RIMS2: variants seen among roughly 807,000 people sequenced by gnomAD.
The protein encoded by RIMS2 is regulating synaptic membrane exocytosis 2.
Under a neutral mutation model 174.4 loss-of-function variants are expected in RIMS2, and 59 were observed. That is an observed-to-expected ratio of 0.34 (90% CI 0.27 to 0.42). The LOEUF is 0.42. Among genes scored for constraint, RIMS2 ranks in the 10% least tolerant of loss-of-function variants. RIMS2 has a pLI of 1.00. For missense variants in RIMS2, 1,620 were observed against 1,666.3 expected (o/e 0.97, Z 0.48); for synonymous variants, 606 against 572.5 (o/e 1.06, Z -0.84).
intron 1 of RIMS2, among the ~76,000 whole-genome samples, chr8:103,514,912 C>CA (rs1397462130): frequency 5.5e-5 from 8 of 145,198 alleles, no homozygotes; most frequent in South Asian, 2.1e-4. Flanking sequence ...ACAACAACAA[C>CA]AACAACAAAA....
chr8:103,550,865 G>C (rs1206147420), intron 1 of RIMS2, among the ~76,000 whole-genome samples: 2 of 147,998 alleles, frequency 1.4e-5, no homozygotes, highest in Non-Finnish European at 3.0e-5. Flanking sequence ...AGAAGAAATG[G>C]ATAAATTCCT....
rs1316410723 is a variant in RIMS2, at chr8:103,822,345, T to G, written c.698+55808T>G. Among the ~76,000 whole-genome samples, 8 of 151,900 alleles carry G rather than the reference T, an allele frequency of 5.3e-5. No homozygotes were observed. In the East Asian group the frequency reaches 1.2e-3, roughly 22 times the overall value. ...ATAAAACATTAAATGATGAAAATCT[T>G]CCATAACAACTGCTCCAGAAACATT... On this transcript the variant is annotated intron_variant, in intron 3 of 23. Transcript: ENST00000504942.
intron 3 of RIMS2, among the ~76,000 whole-genome samples, chr8:103,781,423 A>G (rs1341834249): frequency 6.6e-6 from 1 of 152,128 alleles, no homozygotes; most frequent in African/African-American, 2.4e-5. Context: ...GTTCTTTGTC[A>G]TTTTGGAACT....
intron 1 of RIMS2, among the ~76,000 whole-genome samples, chr8:103,668,488 G>T (rs2136281132): frequency 6.6e-6 from 1 of 152,130 alleles, no homozygotes; most frequent in Non-Finnish European, 1.5e-5. Flanking sequence ...TGGCCAATCA[G>T]GTAGCAGAAA....
intron 1 of RIMS2, among the ~76,000 whole-genome samples, chr8:103,549,879 A>G (rs541115260): frequency 6.6e-6 from 1 of 152,342 alleles, no homozygotes; most frequent in South Asian, 2.1e-4. Flanking sequence ...AAAGAAGGCC[A>G]TTACATAATG....
chr8:104,037,364 G>T (rs567959123), intron 19 of RIMS2, among the ~76,000 whole-genome samples: 1 of 152,110 alleles, frequency 6.6e-6, no homozygotes, highest in East Asian at 1.9e-4. Context: ...TCATGCTTCT[G>T]TTTCATTGTG....
chr8:104,210,873 C>T (rs977334), intron 19 of RIMS2, among the ~76,000 whole-genome samples: 1 of 152,112 alleles, frequency 6.6e-6, no homozygotes, highest in Non-Finnish European at 1.5e-5. Flanking sequence ...TATGTAGGAA[C>T]AAAATGTATC....
intron 3 of RIMS2, among the ~76,000 whole-genome samples, chr8:103,815,445 G>A (rs2098712797): frequency 6.6e-6 from 1 of 152,064 alleles, no homozygotes; most frequent in African/African-American, 2.4e-5. Flanking sequence ...CACTTCTTCT[G>A]TTAGAACTCT....
chr8:103,526,087 C>A (rs1315847343), intron 1 of RIMS2, among the ~76,000 whole-genome samples: 1 of 152,176 alleles, frequency 6.6e-6, no homozygotes, highest in African/African-American at 2.4e-5. Flanking sequence ...GAGCTTTTGA[C>A]ACACTCATGG....
exon 4 of RIMS2, chr8:103,885,536 G>T (rs779295630): frequency 6.2e-7 from 1 of 1,611,908 alleles, no homozygotes; most frequent in African/African-American, 1.3e-5. Flanking sequence ...AGATGATGAG[G>T]ATGTGGAAAG....
chr8:103,592,659 G>T (rs2094316550), intron 1 of RIMS2, among the ~76,000 whole-genome samples: 1 of 151,228 alleles, frequency 6.6e-6, no homozygotes, highest in Admixed American at 6.6e-5. Context: ...TCATACTAAG[G>T]TTTTATTTGC....
At chr8:104,029,347 C>T (rs909320906) in intron 19 of RIMS2, among the ~76,000 whole-genome samples, 10 of 152,100 alleles carry the variant, frequency 6.6e-5, no homozygotes, top group Non-Finnish European at 1.3e-4. Flanking sequence ...TTTTACCCAG[C>T]CCCTATTCAA....
intron 1 of RIMS2, among the ~76,000 whole-genome samples, chr8:103,517,994 C>T (rs113531235): frequency 9.0e-4 from 137 of 151,996 alleles, no homozygotes; most frequent in African/African-American, 3.2e-3. Context: ...ACATTCAAAG[C>T]TGCCCTTGGC....
chr8:104,175,261 T>A (rs2098875323), intron 19 of RIMS2, among the ~76,000 whole-genome samples: 1 of 151,998 alleles, frequency 6.6e-6, no homozygotes, highest in Non-Finnish European at 1.5e-5. Context: ...CTCAGGATCT[T>A]TACTTTCTTT....
chr8:103,766,195 C>G lies in RIMS2; in HGVS notation c.388-32C>G, dbSNP rs770980212. ...TATTTGTTTTTAACTTTTGGGAACA[C>G]TAATTTTTTCCCCCTATGTCTTCAT... On this transcript the variant is annotated intron_variant, in intron 2 of 23. Transcript: ENST00000504942. The G allele has an allele frequency of 1.9e-5, 28 of 1,482,472 alleles. No individual in the cohort carries two copies. The Admixed American group carries it at 5.9e-4, about 31-fold the overall frequency. 91.8% of individuals were successfully genotyped at this position (1,482,472 alleles called of 1,614,324 possible).
chr8:104,188,973 C>T lies in RIMS2; in HGVS notation c.3335-55943C>T, dbSNP rs897043477. 2.0e-5 allele frequency among the ~76,000 whole-genome samples: 3 copies of T among 151,912 alleles called. 1 individual carries two copies. The highest frequency in any genetic ancestry group is 4.4e-5 in the Non-Finnish European group (3 of 67,920). ...CTTTCATAAGGCTCACCAATGTCTA[C>T]AAATTGTTCATCCTTCCATAGCTTT... On this transcript the variant is annotated intron_variant, in intron 19 of 23. Coordinates refer to ENST00000504942, the Ensembl canonical transcript of RIMS2.
chr8:103,697,050 G>A (rs754559049), intron 1 of RIMS2, 36 bp from the exon 4 acceptor site: 3 of 1,486,554 alleles, frequency 2.0e-6, no homozygotes, highest in Non-Finnish European at 2.8e-6. Context: ...AGATCATCAG[G>A]AAACCAACTT....
chr8:103,769,000 A>G (rs990737522), intron 3 of RIMS2: 6 of 347,238 alleles, frequency 1.7e-5, no homozygotes, highest in Admixed American at 3.4e-5. Flanking sequence ...GCAAGCTTCT[A>G]CTTCTAAGTC....
At chr8:103,590,374 C>A (rs1169933866) in intron 1 of RIMS2, among the ~76,000 whole-genome samples, 1 of 151,314 alleles carries the variant, frequency 6.6e-6, no homozygotes, top group African/African-American at 2.4e-5. Context: ...GGGGCCATAT[C>A]CACGAAGCCC....
Sources: allele counts gnomAD v4.1 joint callset (sites outside exome capture counted in the v4.1 genomes callset), GRCh38; gene constraint gnomAD v4.1.1; transcripts MANE v1.5; gene names NCBI Gene and HGNC (gene_info 2026-07-23, HGNC 2026-07-21).